Variants in PCDHA1 observed in about 807,000 individuals in gnomAD.
PCDHA1 encodes protocadherin alpha 1.
Under a neutral mutation model 61.3 loss-of-function variants are expected in PCDHA1, and 42 were observed. That is an observed-to-expected ratio of 0.69 (90% CI 0.54 to 0.89). The LOEUF is 0.89. Among genes scored for constraint, PCDHA1 ranks in the 40% least tolerant of loss-of-function variants. The probability of loss-of-function intolerance (pLI) is 0.00; values close to 1 mark genes in which losing one functional copy is unlikely to be tolerated. For missense variants in PCDHA1, 1,256 were observed against 1,235.3 expected (o/e 1.02, Z -0.25); for synonymous variants, 610 against 553.8 (o/e 1.10, Z -1.43).
Position 140,808,692 on chromosome 5 carries a change from G to T in PCDHA1, c.2394+20008G>T, listed in dbSNP as rs555898168. 1.9e-6 allele frequency: 3 copies of T among 1,612,102 alleles called. No homozygotes were observed. The African/African-American group carries it at 4.0e-5, about 22-fold the overall frequency. ...CTGGTAGAGCGGCGGGTAGGGGAGC[G>T]CGCGCTGTCGAGCTACGTTTCGGTG... On this transcript the variant is annotated intron_variant, in intron 1 of 3. Transcript: ENST00000504120.
chr5:140,997,781 C>T (rs1207024588), intron 3 of PCDHA1, among the ~76,000 whole-genome samples: 3 of 151,626 alleles, frequency 2.0e-5, no homozygotes, highest in African/African-American at 7.3e-5. Flanking sequence ...TGTTGTATAC[C>T]TATATTATAA....
At chr5:141,001,265 T>C (rs71583613) in intron 3 of PCDHA1, among the ~76,000 whole-genome samples, 24 of 152,168 alleles carry the variant, frequency 1.6e-4, no homozygotes, top group Admixed American at 7.2e-4. Flanking sequence ...GGCACTCTTA[T>C]GAACTTTTTT....
intron 1 of PCDHA1, among the ~76,000 whole-genome samples, chr5:140,919,172 A>G (rs144962710): frequency 6.6e-6 from 1 of 152,282 alleles, no homozygotes; most frequent in African/African-American, 2.4e-5. Flanking sequence ...TTTAGTTGCT[A>G]TATCTTCCTG....
intron 1 of PCDHA1, chr5:140,841,804 T>C (rs2150322982): frequency 1.2e-6 from 2 of 1,613,912 alleles, no homozygotes; most frequent in Non-Finnish European, 1.7e-6. Context: ...CCGATGCAGA[T>C]GTTGGAGCTA....
Position 140,910,016 on chromosome 5 carries a change from G to C in PCDHA1, c.2395-68933G>C, listed in dbSNP as rs375687025. Among the ~76,000 whole-genome samples the C allele has an allele frequency of 3.5e-4, 54 of 152,290 alleles. No individual in the cohort carries two copies. The South Asian group carries it at 0.011, about 32-fold the overall frequency. ...ATAAATTGTTGTCAGTGTCATCCTT[G>C]TATCCCTGGGATAAATCCCACTTGG... On this transcript the variant is annotated intron_variant, in intron 1 of 3. Coordinates refer to ENST00000504120, the MANE Select transcript of PCDHA1 (RefSeq NM_018900.4).
intron 1 of PCDHA1, chr5:140,811,156 C>A (rs1183690629): frequency 6.6e-6 from 1 of 152,246 alleles, no homozygotes; most frequent in Non-Finnish European, 1.5e-5. Context: ...TATCCCTCCC[C>A]CAGTCCCCCA....
chr5:140,967,959 G>A lies in PCDHA1; in HGVS notation c.2395-10990G>A, dbSNP rs782716187. ...AATGACCAAGACTCAGGCCCCAACC[G>A]GAAAGTGAGCCTGGGTCTGGAGGCC... On this transcript the variant is annotated intron_variant, in intron 1 of 3. Transcript: ENST00000504120. The A allele has an allele frequency of 1.5e-5, 25 of 1,614,046 alleles. No individual in the cohort carries two copies. Among genetic ancestry groups the A allele is most frequent in the Non-Finnish European group, 1.9e-5 (23 of 1,180,058 alleles).
intron 1 of PCDHA1, among the ~76,000 whole-genome samples, chr5:140,792,549 A>G (rs1179272705): frequency 6.6e-6 from 1 of 152,182 alleles, no homozygotes; most frequent in East Asian, 1.9e-4. Flanking sequence ...TGGCAATAGT[A>G]TTCTATCTCC....
intron 3 of PCDHA1, among the ~76,000 whole-genome samples, chr5:141,005,701 CAAAAAAAAAA>C (rs59860837): frequency 9.0e-4 from 7 of 7,792 alleles, no homozygotes; most frequent in East Asian, 6.4e-3. Context: ...AACTCCGTCT[CAAAAAAAAAA>C]AAAAAAAAAA....
At chr5:140,830,321 G>T (rs2150184954) in intron 1 of PCDHA1, 3 of 1,613,998 alleles carry the variant, frequency 1.9e-6, no homozygotes, top group Admixed American at 1.7e-5. Flanking sequence ...GTGCTCCAGC[G>T]CAGTGGGGAG....
At chr5:140,962,076 G>A (rs2095654806) in intron 1 of PCDHA1, among the ~76,000 whole-genome samples, 1 of 151,758 alleles carries the variant, frequency 6.6e-6, no homozygotes. Flanking sequence ...TAGTAGAGAC[G>A]GGGTTTCACC....
At chr5:140,851,027 C>T (rs782593711) in intron 1 of PCDHA1, 2 of 1,410,074 alleles carry the variant, frequency 1.4e-6, no homozygotes, top group South Asian at 1.8e-5. Context: ...TAAAGTAAAC[C>T]CCTTAACATT....
At chr5:140,851,067 G>A in intron 1 of PCDHA1, 4 of 1,367,668 alleles carry the variant, frequency 2.9e-6, no homozygotes, top group Non-Finnish European at 3.8e-6. Context: ...CTTCTAGTGA[G>A]AATTATAAAC....
intron 1 of PCDHA1, chr5:140,850,151 G>A (rs1554143863): frequency 3.1e-6 from 5 of 1,595,466 alleles, no homozygotes; most frequent in Admixed American, 1.7e-5. Flanking sequence ...TGACGCTGCA[G>A]GTGTTCGTGC....
At chr5:140,851,027 C>A in intron 1 of PCDHA1, 2 of 1,410,188 alleles carry the variant, frequency 1.4e-6, no homozygotes, top group Non-Finnish European at 1.9e-6. Flanking sequence ...TAAAGTAAAC[C>A]CCTTAACATT....
At chr5:140,849,357 G>A in intron 1 of PCDHA1, 1 of 1,458,086 alleles carries the variant, frequency 6.9e-7, no homozygotes, top group Non-Finnish European at 9.4e-7. Flanking sequence ...TGTTTCTCCA[G>A]ATATAAAATC....
chr5:140,911,420 C>T (rs1411930717), intron 1 of PCDHA1, among the ~76,000 whole-genome samples: 1 of 152,134 alleles, frequency 6.6e-6, no homozygotes, highest in Non-Finnish European at 1.5e-5. Context: ...ATGATAAGAA[C>T]TTGTGTCCAA....
In PCDHA1 at chr5:140,903,129, A is replaced by C. The variant is rs184256724; in HGVS notation, c.2395-75820A>C. On this transcript the variant is annotated intron_variant, in intron 1 of 3. Coordinates refer to ENST00000504120, the MANE Select transcript of PCDHA1 (RefSeq NM_018900.4). ...TAGCTCTACTTCTAAATCTTTAAGA[A>C]ATCTCCAAACTGTTTTCCATAGTGG... Among the ~76,000 whole-genome samples the C allele has an allele frequency of 2.8e-3, 421 of 152,322 alleles. 2 individuals carry two copies. Among genetic ancestry groups the C allele is most frequent in the Middle Eastern group, 0.014 (4 of 294 alleles).
chr5:140,858,005 C>T, intron 1 of PCDHA1: 1 of 1,596,884 alleles, frequency 6.3e-7, no homozygotes, highest in East Asian at 2.2e-5. Flanking sequence ...GGTGAAGGAC[C>T]ATGGCGAGCC....
Sources: allele counts gnomAD v4.1 joint callset (sites outside exome capture counted in the v4.1 genomes callset), GRCh38; gene constraint gnomAD v4.1.1; transcripts MANE v1.5; gene names NCBI Gene and HGNC (gene_info 2026-07-23, HGNC 2026-07-21).